Variants in ZFHX3 observed in about 807,000 individuals in gnomAD.
ZFHX3 encodes the protein zinc finger homeobox 3.
In ZFHX3, 42 loss-of-function variants were observed where a neutral mutation model predicts 279.1. That is an observed-to-expected ratio of 0.15 (90% CI 0.12 to 0.19). The LOEUF is 0.19. ZFHX3 is among the 10% of genes least tolerant of loss of function. The pLI, the probability that ZFHX3 is intolerant of heterozygous loss-of-function variation, is 1.00. For missense variants in ZFHX3, 4,981 were observed against 4,754.0 expected, an observed-to-expected ratio of 1.05 and a Z score of -1.40; for synonymous variants, 2,293 against 1,957.8, an observed-to-expected ratio of 1.17 and a Z score of -4.52.
chr16:73,576,647 A>G (rs1021389603), intron 2 of ZFHX3, among the ~76,000 whole-genome samples: 1 of 152,214 alleles, frequency 6.6e-6, no homozygotes, highest in African/African-American at 2.4e-5. Flanking sequence ...CCCAAAGCAG[A>G]GAGCTGTTCT....
At chr16:73,023,669 A>T (rs1356373177) in intron 1 of ZFHX3, among the ~76,000 whole-genome samples, 1 of 152,242 alleles carries the variant, frequency 6.6e-6, no homozygotes, top group African/African-American at 2.4e-5. Flanking sequence ...ACCAGCGCTT[A>T]GAAAAGGCTT....
chr16:73,865,406 G>T (rs1463689932), intron 1 of ZFHX3, among the ~76,000 whole-genome samples: 4 of 152,290 alleles, frequency 2.6e-5, no homozygotes, highest in African/African-American at 7.2e-5. Context: ...GGGCCGGTGT[G>T]GGGTGGGCAT....
At chr16:73,163,249 C>T (rs1967281629) in intron 5 of ZFHX3, among the ~76,000 whole-genome samples, 1 of 152,080 alleles carries the variant, frequency 6.6e-6, no homozygotes, top group African/African-American at 2.4e-5. Flanking sequence ...GATTCGGAGA[C>T]CTGGGGGATA....
chr16:73,494,755 A>G (rs1344870021), intron 2 of ZFHX3, among the ~76,000 whole-genome samples: 1 of 149,346 alleles, frequency 6.7e-6, no homozygotes, highest in Admixed American at 6.7e-5. Flanking sequence ...TTTAGCAGAG[A>G]TGGGGTTTCT....
chr16:73,216,030 A>T (rs1182234617), intron 5 of ZFHX3, among the ~76,000 whole-genome samples: 3 of 152,210 alleles, frequency 2.0e-5, no homozygotes, highest in Non-Finnish European at 2.9e-5. Flanking sequence ...ATGAGAAAGC[A>T]CAACTAACTT....
intron 5 of ZFHX3, among the ~76,000 whole-genome samples, chr16:73,209,754 A>G (rs2011942682): frequency 6.6e-6 from 1 of 152,216 alleles, no homozygotes; most frequent in African/African-American, 2.4e-5. Context: ...AATATTATAC[A>G]TCATGTAGCT....
intron 2 of ZFHX3, among the ~76,000 whole-genome samples, chr16:73,657,581 G>A (rs993452814): frequency 3.3e-5 from 5 of 152,068 alleles, no homozygotes; most frequent in Admixed American, 2.6e-4. Flanking sequence ...GTACCCTTTA[G>A]CAATCACCCT....
At chr16:73,860,694 C>T (rs1961858337) in intron 1 of ZFHX3, among the ~76,000 whole-genome samples, 1 of 152,202 alleles carries the variant, frequency 6.6e-6, no homozygotes, top group South Asian at 2.1e-4. Flanking sequence ...TTTTATATTT[C>T]TCCCATGCTG....
intron 2 of ZFHX3, among the ~76,000 whole-genome samples, chr16:73,498,763 C>A (rs563413394): frequency 2.6e-5 from 4 of 152,256 alleles, no homozygotes; most frequent in Admixed American, 2.6e-4. Flanking sequence ...CGGGAGCTCT[C>A]GAGCTGGAAT....
chr16:73,342,078 T>C (rs2143260980), intron 3 of ZFHX3, among the ~76,000 whole-genome samples: 1 of 150,590 alleles, frequency 6.6e-6, no homozygotes, highest in East Asian at 2.0e-4. Flanking sequence ...ACATGAATTA[T>C]ATCTACATAA....
intron 7 of ZFHX3, among the ~76,000 whole-genome samples, chr16:73,124,756 C>T (rs1028230828): frequency 6.6e-6 from 1 of 152,078 alleles, no homozygotes; most frequent in Non-Finnish European, 1.5e-5. Flanking sequence ...TGTGATAGCA[C>T]CCAGGTGGGA....
intron 2 of ZFHX3, among the ~76,000 whole-genome samples, chr16:73,653,129 T>G: frequency 6.6e-6 from 1 of 152,202 alleles, no homozygotes; most frequent in East Asian, 1.9e-4. Flanking sequence ...CAAAGAATGT[T>G]ACTTTATTGT....
In ZFHX3 at chr16:73,191,257, G is replaced by A. The variant is rs1022841454; in HGVS notation, c.-1103-47426C>T. Among the ~76,000 whole-genome samples, 39 of 152,148 alleles carry A rather than the reference G, an allele frequency of 2.6e-4. 1 individual carries two copies. ...TTTGTGGTAAGTAATCTCTCTGGGA[G>A]GAAGTCTTGGCTCTGATGTCTGTGT... is the stretch of plus-strand genomic sequence containing the variant. On this transcript the variant is annotated intron_variant, in intron 5 of 17. Transcript: ENST00000641206.
At chr16:73,367,738 A>T (rs2016555147) in intron 3 of ZFHX3, among the ~76,000 whole-genome samples, 1 of 152,152 alleles carries the variant, frequency 6.6e-6, no homozygotes, top group Non-Finnish European at 1.5e-5. Context: ...CCATCTGTAA[A>T]ATGGGTGGCA....
At chr16:73,633,022 T>C (rs1388548869) in intron 2 of ZFHX3, among the ~76,000 whole-genome samples, 1 of 152,170 alleles carries the variant, frequency 6.6e-6, no homozygotes, top group Non-Finnish European at 1.5e-5. Flanking sequence ...GAGCTTGCAG[T>C]GAGCTGGGAT....
At chr16:72,893,528 C>A (rs184290526) in intron 3 of ZFHX3, among the ~76,000 whole-genome samples, 2 of 151,230 alleles carry the variant, frequency 1.3e-5, no homozygotes, top group Admixed American at 1.3e-4. Context: ...AACATCATAC[C>A]GGGTACTCAC....
chr16:73,725,959 G>A lies in ZFHX3; in HGVS notation c.-1607-45719C>T, dbSNP rs562716882. On this transcript the variant is annotated intron_variant, in intron 1 of 17. Coordinates refer to the ZFHX3 transcript ENST00000641206. Reference sequence around the variant, plus strand: ...AACCATTTAATTTTTGTCCTTATATGGATTCCTTTCACCATCCATTAAATA... The same window carrying A: ...AACCATTTAATTTTTGTCCTTATATAGATTCCTTTCACCATCCATTAAATA... 8.5e-5 allele frequency among the ~76,000 whole-genome samples: 13 copies of A among 152,188 alleles called. No homozygotes were observed. The East Asian group carries it at 2.5e-3, about 30-fold the overall frequency.
At chr16:73,353,587 C>G (rs1484134558) in intron 3 of ZFHX3, among the ~76,000 whole-genome samples, 1 of 152,198 alleles carries the variant, frequency 6.6e-6, no homozygotes, top group African/African-American at 2.4e-5. Flanking sequence ...AAGAGCATGG[C>G]TGAGATCACA....
At chr16:73,022,120 C>G (rs1964321219) in intron 1 of ZFHX3, among the ~76,000 whole-genome samples, 1 of 152,172 alleles carries the variant, frequency 6.6e-6, no homozygotes. Flanking sequence ...GTAATGATGT[C>G]CAGTGAGGGA....
Sources: allele counts gnomAD v4.1 joint callset (sites outside exome capture counted in the v4.1 genomes callset), GRCh38; gene constraint gnomAD v4.1.1; transcripts MANE v1.5; gene names NCBI Gene and HGNC (gene_info 2026-07-23, HGNC 2026-07-21).